The following NPHP3 variants were observed in gnomAD, a reference collection of about 807,000 sequenced individuals.
NPHP3 encodes nephrocystin 3.
A neutral mutation model predicts 171.9 loss-of-function variants in NPHP3; 123 were observed. That is an observed-to-expected ratio of 0.72 (90% CI 0.62 to 0.83). The LOEUF (loss-of-function observed/expected upper bound fraction) is 0.83. Ranked by LOEUF, NPHP3 falls within the 40% of genes least tolerant of loss-of-function variation. The pLI is 0.00. For missense variants in NPHP3, 1,506 were observed against 1,591.9 expected (o/e 0.95, Z 0.92); for synonymous variants, 558 against 579.2 (o/e 0.96, Z 0.52).
chr3:132,721,900 G>A (rs1480514078), intron 1 of NPHP3, 63 bp downstream of exon 1: 4 of 1,585,344 alleles, frequency 2.5e-6, no homozygotes, highest in African/African-American at 2.7e-5. Context: ...TTGGTTTGGA[G>A]AGGGAGCAGG....
intron 10 of NPHP3, 93 bp downstream of exon 10, chr3:132,701,337 G>T: frequency 1.2e-6 from 1 of 828,196 alleles, no homozygotes; most frequent in Non-Finnish European, 2.1e-6. Context: ...TTTAGTGTAG[G>T]CCGCGCAGGA....
chr3:132,685,908 G>A lies in NPHP3; in HGVS notation c.3329+352C>T, dbSNP rs542281266. On this transcript the variant is annotated intron_variant, in intron 23 of 26. Transcript: ENST00000337331. ...CTACTAAAAATGCAAAAAATTAGTCGGGCGTGGTGGCATGCGCCTGTAGTC... is the reference window on the plus strand; with the variant it reads ...CTACTAAAAATGCAAAAAATTAGTCAGGCGTGGTGGCATGCGCCTGTAGTC... 40 of 262,914 alleles carry A rather than the reference G, an allele frequency of 1.5e-4. No individual in the cohort carries two copies. In the East Asian group the frequency reaches 1.6e-3, roughly 10 times the overall value. The allele number at this position is 262,914 out of a possible 1,614,324, so 16.3% of individuals were successfully genotyped here.
In NPHP3 at chr3:132,722,258, T is replaced by C; in HGVS notation, c.98A>G (p.Glu33Gly). Residue 33 changes from glutamate (E) to glycine (G), a missense_variant, in exon 1 of 27, where the codon GAG (glutamate) becomes GGG (glycine). By Grantham distance (98) the Glu-to-Gly change is moderately conservative. Around this residue, in one of 3 missense-constraint regions of NPHP3, gnomAD observed 930 missense variants for 924.9 expected, o/e 1.01. Transcript: ENST00000337331. The stretch of plus-strand genomic sequence containing the variant: ...CAGCAGGCGGGCCTTGGGCTTCACC[T>C]CCACCGGGATCTCGCAGGCCTCGCC... Reference protein sequence around the residue: ...GGGEACEIPVEVKPKARLLRN... With the variant: ...GGGEACEIPVGVKPKARLLRN... The C allele has an allele frequency of 6.3e-7, 1 of 1,575,304 alleles. No individual in the cohort carries two copies. Among genetic ancestry groups the C allele is most frequent in the Non-Finnish European group, 8.5e-7 (1 of 1,170,016 alleles).
intron 15 of NPHP3, 54 bp downstream of exon 15, chr3:132,696,677 G>C (rs1445714017): frequency 1.3e-6 from 2 of 1,486,426 alleles, no homozygotes; most frequent in Non-Finnish European, 1.9e-6. Context: ...GTGAGAAAGG[G>C]TCTGCAGCAA....
In NPHP3 at chr3:132,681,961, G is replaced by A; in HGVS notation, c.3942C>T (p.Ser1314=). 1.9e-6 allele frequency: 3 copies of A among 1,614,122 alleles called. No homozygotes were observed. The highest frequency in any genetic ancestry group is 2.5e-6 in the Non-Finnish European group (3 of 1,179,980). The part of the protein sequence containing the change: ...SRHSSSGDTF[S]LKTAHSPNVF... ...CATTAGGAGAATGAGCTGTTTTTAAGCTAAACGTGTCTCCACTTGATGAAT... is the reference window on the plus strand; with the variant it reads ...CATTAGGAGAATGAGCTGTTTTTAAACTAAACGTGTCTCCACTTGATGAAT... The change falls in exon 27 of 27, where the codon AGC becomes AGT. Residue 1314 remains serine, a synonymous_variant. Coordinates refer to ENST00000337331, the MANE Select transcript of NPHP3 (RefSeq NM_153240.5).
At chr3:132,688,963 T>C in intron 20 of NPHP3, 72 bp from the exon 21 acceptor site, 1 of 1,612,558 alleles carries the variant, frequency 6.2e-7, no homozygotes, top group Non-Finnish European at 8.5e-7. Context: ...TGATTAAATA[T>C]TAAGGATTAT....
At chr3:132,682,167 GA>G in intron 26 of NPHP3, 77 bp from the exon 27 acceptor site, 1 of 1,336,498 alleles carries the variant, frequency 7.5e-7, no homozygotes, top group Non-Finnish European at 1.1e-6. Flanking sequence ...ATGGGATACA[GA>G]AAAAGAAGCT....
In NPHP3 at chr3:132,713,288, T is replaced by C. The variant is rs780148543; in HGVS notation, c.958-2A>G. On this transcript the variant is annotated splice_acceptor_variant, in intron 5 of 26. Coordinates refer to ENST00000337331, the MANE Select transcript of NPHP3 (RefSeq NM_153240.5). LOFTEE classifies it high-confidence loss of function. Reference sequence around the variant, plus strand: ...TCTCTTAAGTTTAGGTGAATAGTCCTAAAAACAAATGAAAACATACAAAAG... The same window carrying C: ...TCTCTTAAGTTTAGGTGAATAGTCCCAAAAACAAATGAAAACATACAAAAG... 141 of 1,583,892 alleles carry C rather than the reference T, an allele frequency of 8.9e-5. No individual in the cohort carries two copies. Among genetic ancestry groups the C allele is most frequent in the Non-Finnish European group, 1.2e-4 (136 of 1,162,228 alleles).
intron 16 of NPHP3, 53 bp downstream of exon 16, chr3:132,694,774 A>T (rs1467117236): frequency 6.4e-7 from 1 of 1,563,682 alleles, no homozygotes; most frequent in Admixed American, 1.7e-5. Flanking sequence ...ATTTCCATTC[A>T]CACACACACA....
intron 6 of NPHP3, among the ~76,000 whole-genome samples, chr3:132,710,988 A>T (rs1042556374): frequency 6.6e-5 from 10 of 152,234 alleles, no homozygotes; most frequent in Non-Finnish European, 1.5e-4. Flanking sequence ...ATAATTTCTT[A>T]TAAGAGGCCT....
intron 10 of NPHP3, among the ~76,000 whole-genome samples, chr3:132,701,110 T>C (rs1276252045): frequency 6.6e-6 from 1 of 152,036 alleles, no homozygotes; most frequent in Non-Finnish European, 1.5e-5. Context: ...TAAAGGCACA[T>C]TACAATCCAC....
chr3:132,707,680 TC>T (rs36006365), intron 7 of NPHP3, among the ~76,000 whole-genome samples: 5,806 of 152,122 alleles, frequency 0.038, 352 homozygotes, highest in African/African-American at 0.13. Flanking sequence ...TTACTCAGAA[TC>T]CTACCACTTC....
intron 15 of NPHP3, among the ~76,000 whole-genome samples, chr3:132,696,447 A>G (rs1330941507): frequency 6.6e-6 from 1 of 152,240 alleles, no homozygotes; most frequent in Non-Finnish European, 1.5e-5. Flanking sequence ...TCACTTTCCC[A>G]AAGCTAGGGG....
At position 132,716,688 on chromosome 3, in the gene NPHP3, C is replaced by T. The variant is rs67092166; in HGVS notation, c.823+69G>A. 0.19 allele frequency: 283,230 copies of T among 1,529,614 alleles called. 31,734 individuals are homozygous for T. The highest frequency in any genetic ancestry group is 0.62 in the East Asian group (27,418 of 44,402). 94.8% of individuals were successfully genotyped at this position (1,529,614 alleles called of 1,614,324 possible). A position where few individuals can be genotyped will look rare whatever the true frequency, so the allele number is the denominator to read the frequency against. ...GCTTTGCTAATGGTATTAATAGTTCCAGCACAAGATTATAAAACATGAACA... is the reference window on the plus strand; with the variant it reads ...GCTTTGCTAATGGTATTAATAGTTCTAGCACAAGATTATAAAACATGAACA... On this transcript the variant is annotated intron_variant, in intron 4 of 26. Coordinates refer to ENST00000337331, the MANE Select transcript of NPHP3 (RefSeq NM_153240.5).
chr3:132,695,296 G>C, intron 15 of NPHP3: 1 of 235,386 alleles, frequency 4.2e-6, no homozygotes, highest in Non-Finnish European at 8.5e-6. Context: ...GGGAAACGAT[G>C]ATAAGTATTG....
In NPHP3 at chr3:132,682,886, T is replaced by A; in HGVS notation, c.3697-68A>T. On this transcript the variant is annotated intron_variant, in intron 25 of 26. Coordinates refer to ENST00000337331, the MANE Select transcript of NPHP3 (RefSeq NM_153240.5). ...GAAATTAATGTATTCTAGACTAAGCTAACCTACTTTGATTAGTACTTTAAA... is the reference window on the plus strand; with the variant it reads ...GAAATTAATGTATTCTAGACTAAGCAAACCTACTTTGATTAGTACTTTAAA... 3.2e-6 allele frequency: 3 copies of A among 946,194 alleles called. No homozygotes were observed. In the Admixed American group the frequency reaches 5.2e-5, roughly 16 times the overall value. 58.6% of individuals were successfully genotyped at this position (946,194 alleles called of 1,614,324 possible). A position where few individuals can be genotyped will look rare whatever the true frequency, so the allele number is the denominator to read the frequency against.
intron 25 of NPHP3, 64 bp from the exon 26 acceptor site, chr3:132,682,882 A>C: frequency 1.0e-6 from 1 of 978,410 alleles, no homozygotes; most frequent in Admixed American, 1.7e-5. Flanking sequence ...ATTCTAGACT[A>C]AGCTAACCTA....
intron 7 of NPHP3, among the ~76,000 whole-genome samples, chr3:132,706,284 G>A (rs562889864): frequency 2.6e-5 from 4 of 151,638 alleles, no homozygotes; most frequent in Admixed American, 2.0e-4. Context: ...GCGTGAACCC[G>A]GGAGGCGGAG....
intron 1 of NPHP3, among the ~76,000 whole-genome samples, chr3:132,720,415 C>T (rs564618136): frequency 6.6e-6 from 1 of 152,308 alleles, no homozygotes; most frequent in Non-Finnish European, 1.5e-5. Flanking sequence ...TTGCACTCCG[C>T]CCTGTTTGGT....
Sources: allele counts gnomAD v4.1 joint callset (sites outside exome capture counted in the v4.1 genomes callset), GRCh38; gene constraint gnomAD v4.1.1; regional missense constraint gnomAD v4.1.1; transcripts MANE v1.5; gene names NCBI Gene and HGNC (gene_info 2026-07-23, HGNC 2026-07-21).